The following DCUN1D3 variants were observed in gnomAD, a reference collection of about 807,000 sequenced individuals.
DCUN1D3 encodes the protein defective in cullin neddylation 1 domain containing 3.
DCUN1D3 carries 6 observed loss-of-function variants against 24.8 expected under a neutral mutation model. The ratio of observed to expected loss-of-function variants is 0.24; its 90% CI spans 0.13 to 0.48. The LOEUF is 0.48. DCUN1D3 is among the 20% of genes least tolerant of loss of function. DCUN1D3 has a pLI of 0.99. For missense variants in DCUN1D3, 258 were observed against 379.4 expected (o/e 0.68, Z 2.66); for synonymous variants, 120 against 144.9 (o/e 0.83, Z 1.24).
chr16:20,870,962 G>T (rs2081785562), intron 1 of DCUN1D3, among the ~76,000 whole-genome samples: 1 of 152,190 alleles, frequency 6.6e-6, no homozygotes. Flanking sequence ...GACCACAGGA[G>T]CCCCTTGATC....
At chr16:20,891,147 C>T (rs541327162) in intron 1 of DCUN1D3, among the ~76,000 whole-genome samples, 2 of 152,060 alleles carry the variant, frequency 1.3e-5, no homozygotes, top group Admixed American at 1.3e-4. Context: ...GCGCCTGCCA[C>T]CATGCCCGGC....
In DCUN1D3 at chr16:20,862,511, T is replaced by C; in HGVS notation, c.28A>G (p.Asn10Asp). Reference protein sequence around the residue: MGQCVTKCKNPSSTLGSKNG... With the variant: MGQCVTKCKDPSSTLGSKNG... Reference sequence around the variant, plus strand: ...TTGCTGCCCAGGGTCGATGAGGGATTCTTACACTTGGTGACACACTGGCCC... The same window carrying C: ...TTGCTGCCCAGGGTCGATGAGGGATCCTTACACTTGGTGACACACTGGCCC... The change falls in exon 2 of 3, where the codon AAT becomes GAT. Residue 10 changes from asparagine to aspartate, a missense_variant. Physicochemically the swap from Asn to Asp is conservative, Grantham distance 23 (BLOSUM62 1). Transcript: ENST00000324344. 1 of 1,606,784 alleles carries C rather than the reference T, an allele frequency of 6.2e-7. No homozygotes were observed. Among genetic ancestry groups the C allele is most frequent in the Non-Finnish European group, 8.5e-7 (1 of 1,179,842 alleles).
chr16:20,892,539 T>C (rs953505069), intron 1 of DCUN1D3, among the ~76,000 whole-genome samples: 3 of 152,218 alleles, frequency 2.0e-5, no homozygotes, highest in Non-Finnish European at 1.5e-5. Context: ...TTACAGATAT[T>C]TTTTAAAAAT....
intron 1 of DCUN1D3, among the ~76,000 whole-genome samples, chr16:20,898,812 C>T (rs2081934555): frequency 6.6e-6 from 1 of 152,152 alleles, no homozygotes; most frequent in Admixed American, 6.5e-5. Flanking sequence ...AAAAGATTTC[C>T]GAAGAATGTA....
In DCUN1D3 at chr16:20,856,082, TAACTGAG is replaced by T. The variant is rs2081701543; in HGVS notation, c.*3797_*3803del. ...TCTACGCCTTAACCTTATAATTGCATAACTGAGTCTACACCTTTTGGGCTTTGCTGCA... is the reference window on the plus strand; with the variant it reads ...TCTACGCCTTAACCTTATAATTGCATTCTACACCTTTTGGGCTTTGCTGCA... On this transcript the variant is annotated 3_prime_UTR_variant, in exon 3 of 3. Transcript: ENST00000324344. The T allele has an allele frequency of 6.6e-6, 1 of 152,094 alleles. No homozygotes were observed. Among genetic ancestry groups the T allele is most frequent in the Non-Finnish European group, 1.5e-5 (1 of 68,014 alleles). The allele number at this position is 152,094 out of a possible 1,614,324, so 9.4% of individuals were successfully genotyped here.
At chr16:20,863,979 G>A (rs958718401) in intron 1 of DCUN1D3, among the ~76,000 whole-genome samples, 1 of 152,150 alleles carries the variant, frequency 6.6e-6, no homozygotes, top group Non-Finnish European at 1.5e-5. Context: ...ACTCAAGATG[G>A]ATTAAAGACT....
intron 1 of DCUN1D3, among the ~76,000 whole-genome samples, chr16:20,876,574 C>T (rs1439186587): frequency 6.6e-6 from 1 of 152,054 alleles, no homozygotes. Flanking sequence ...AATAGAACTA[C>T]TGTATGATCC....
Position 20,854,991 on chromosome 16 carries a change from A to T in DCUN1D3, c.*4895T>A, listed in dbSNP as rs985660750. On this transcript the variant is annotated 3_prime_UTR_variant, in exon 3 of 3. Coordinates refer to ENST00000324344, the MANE Select transcript of DCUN1D3 (RefSeq NM_173475.4). The stretch of plus-strand genomic sequence containing the variant: ...TCCAAATAAAAAACATTAAAGGAAA[A>T]AATGTAGACATCAAAGACAAAAATG... 6.6e-6 allele frequency: 1 copy of T among 152,630 alleles called. No homozygotes were observed. Among genetic ancestry groups the T allele is most frequent in the Admixed American group, 6.5e-5 (1 of 15,278 alleles). 9.5% of individuals were successfully genotyped at this position (152,630 alleles called of 1,614,324 possible). A position where few individuals can be genotyped will look rare whatever the true frequency, so the allele number is the denominator to read the frequency against.
At position 20,862,582 on chromosome 16, in the gene DCUN1D3, A is replaced by G; in HGVS notation, c.-44T>C. 6.4e-7 allele frequency: 1 copy of G among 1,556,092 alleles called. No individual in the cohort carries two copies. Among genetic ancestry groups the G allele is most frequent in the Non-Finnish European group, 8.6e-7 (1 of 1,158,768 alleles). ...TCTAGAGTGGACCCCTCTGGATTGG[A>G]TGCCCTCGCTGCCGCTGGCCCATGT... On this transcript the variant is annotated 5_prime_UTR_variant, in exon 2 of 3. Coordinates refer to ENST00000324344, the MANE Select transcript of DCUN1D3 (RefSeq NM_173475.4).
At chr16:20,894,834 A>G (rs571733214) in intron 1 of DCUN1D3, among the ~76,000 whole-genome samples, 1 of 152,320 alleles carries the variant, frequency 6.6e-6, no homozygotes, top group South Asian at 2.1e-4. Flanking sequence ...ACACATCTTA[A>G]AGAAAATGAT....
intron 1 of DCUN1D3, among the ~76,000 whole-genome samples, chr16:20,899,185 C>G (rs1259931467): frequency 1.3e-5 from 2 of 152,238 alleles, no homozygotes; most frequent in East Asian, 3.8e-4. Flanking sequence ...TTTCTGTTCT[C>G]TGAAGTGCAT....
chr16:20,883,630 T>G (rs1422259381), intron 1 of DCUN1D3, among the ~76,000 whole-genome samples: 2 of 152,182 alleles, frequency 1.3e-5, no homozygotes, highest in Non-Finnish European at 2.9e-5. Context: ...GTTGAGTGAA[T>G]CAATTGAAGT....
chr16:20,883,234 C>A lies in DCUN1D3; in HGVS notation c.-106+16970G>T, dbSNP rs141635162. Among the ~76,000 whole-genome samples the A allele has an allele frequency of 1.9e-4, 29 of 152,260 alleles. 2 individuals carry two copies. In the East Asian group the frequency reaches 5.6e-3, roughly 29 times the overall value. On this transcript the variant is annotated intron_variant, in intron 1 of 2. Transcript: ENST00000324344. ...GTGTTTTTGAAAGTTTTGTTCTGGCCGGATGCGGTGGCTCACGCCTGTAAT... is the reference window on the plus strand; with the variant it reads ...GTGTTTTTGAAAGTTTTGTTCTGGCAGGATGCGGTGGCTCACGCCTGTAAT...
intron 1 of DCUN1D3, among the ~76,000 whole-genome samples, chr16:20,892,452 C>A (rs528315270): frequency 1.2e-4 from 18 of 152,332 alleles, no homozygotes; most frequent in African/African-American, 3.8e-4. Flanking sequence ...TCACCTCCCC[C>A]TCCTGTTTAA....
chr16:20,866,124 T>G (rs753890645), intron 1 of DCUN1D3, among the ~76,000 whole-genome samples: 4 of 152,154 alleles, frequency 2.6e-5, no homozygotes, highest in Non-Finnish European at 5.9e-5. Flanking sequence ...CATTACAATT[T>G]CAAATGGCAA....
intron 1 of DCUN1D3, among the ~76,000 whole-genome samples, chr16:20,894,565 T>C (rs1366745588): frequency 1.3e-5 from 2 of 152,184 alleles, no homozygotes; most frequent in Non-Finnish European, 2.9e-5. Context: ...CCCAACACTA[T>C]GCAATCCAAG....
intron 1 of DCUN1D3, among the ~76,000 whole-genome samples, chr16:20,896,599 A>C (rs2081917119): frequency 6.6e-6 from 1 of 151,348 alleles, no homozygotes; most frequent in Non-Finnish European, 1.5e-5. Flanking sequence ...CTGGCTGATG[A>C]AACTTCAGCC....
At chr16:20,879,615 A>T (rs574095658) in intron 1 of DCUN1D3, among the ~76,000 whole-genome samples, 1 of 152,370 alleles carries the variant, frequency 6.6e-6, no homozygotes, top group African/African-American at 2.4e-5. Flanking sequence ...AAATGCAGGC[A>T]TTTAACAAGT....
intron 1 of DCUN1D3, among the ~76,000 whole-genome samples, chr16:20,886,653 A>C (rs1348846958): frequency 1.3e-5 from 2 of 152,208 alleles, no homozygotes; most frequent in Admixed American, 6.5e-5. Context: ...ACACAAACAC[A>C]CACAAAAGTC....
Sources: allele counts gnomAD v4.1 joint callset (sites outside exome capture counted in the v4.1 genomes callset), GRCh38; gene constraint gnomAD v4.1.1; transcripts MANE v1.5; gene names NCBI Gene and HGNC (gene_info 2026-07-23, HGNC 2026-07-21).